TFEB: variants seen among roughly 807,000 people sequenced by gnomAD.
The protein encoded by TFEB is T-cell transcription factor EB.
A neutral mutation model predicts 48.0 loss-of-function variants in TFEB; 12 were observed. The ratio of observed to expected loss-of-function variants is 0.25; its 90% CI spans 0.16 to 0.40. The LOEUF is 0.40. Among genes scored for constraint, TFEB ranks in the 10% least tolerant of loss-of-function variants. TFEB has a pLI of 1.00. For missense variants in TFEB, 509 were observed against 640.3 expected, an observed-to-expected ratio of 0.79 and a Z score of 2.21; for synonymous variants, 244 against 261.4, an observed-to-expected ratio of 0.93 and a Z score of 0.64.
chr6:41,686,983 AG>A (rs1387984451), intron 7 of TFEB, 110 bp downstream of exon 7: 6 of 892,110 alleles, frequency 6.7e-6, no homozygotes, highest in South Asian at 1.4e-5. Context: ...ATGAACTTCT[AG>A]AAGGAATTCT....
intron 1 of TFEB, among the ~76,000 whole-genome samples, chr6:41,700,468 A>T (rs1769855269): frequency 9.7e-6 from 1 of 103,130 alleles, no homozygotes; most frequent in Non-Finnish European, 2.0e-5. Flanking sequence ...TCCGTCTCAA[A>T]AAAAAAAAAA....
chr6:41,723,464 C>A lies in TFEB; in HGVS notation c.-23+11886G>T, dbSNP rs771520725. On this transcript the variant is annotated intron_variant, in intron 1 of 8. Coordinates refer to ENST00000373033, the MANE Select transcript of TFEB (RefSeq NM_001271944.2). The surrounding 1 kb of genome is among the most constrained non-coding windows in gnomAD (Gnocchi z 6.0). ...ATGCACGCGTGTGCTCTCATACCTTCGAGAGGGCAGCCCCCTGGAAGGAGG... is the reference window on the plus strand; with the variant it reads ...ATGCACGCGTGTGCTCTCATACCTTAGAGAGGGCAGCCCCCTGGAAGGAGG... 8 of 1,288,826 alleles carry A rather than the reference C, an allele frequency of 6.2e-6. No individual in the cohort carries two copies. In the East Asian group the frequency reaches 3.9e-4, roughly 63 times the overall value. 79.8% of individuals were successfully genotyped at this position (1,288,826 alleles called of 1,614,324 possible). A position where few individuals can be genotyped will look rare whatever the true frequency, so the allele number is the denominator to read the frequency against.
At chr6:41,686,504 C>CTTTAT in intron 7 of TFEB, 1 of 267,250 alleles carries the variant, frequency 3.7e-6, no homozygotes, top group Non-Finnish European at 6.6e-6. Context: ...CCCAGCCTAC[C>CTTTAT]TTTCTTTTTT....
intron 1 of TFEB, among the ~76,000 whole-genome samples, chr6:41,705,250 G>A (rs913697661): frequency 3.3e-5 from 5 of 152,142 alleles, no homozygotes; most frequent in Admixed American, 6.6e-5. Context: ...TCCTCCACAC[G>A]GCTCTGCCTC....
chr6:41,687,934 T>G lies in TFEB; in HGVS notation c.644A>C (p.Asp215Ala). 1 of 1,613,932 alleles carries G rather than the reference T, an allele frequency of 6.2e-7. No individual in the cohort carries two copies. Among genetic ancestry groups the G allele is most frequent in the Non-Finnish European group, 8.5e-7 (1 of 1,179,896 alleles). Residue 215 changes from aspartate to alanine, a missense_variant, in exon 5 of 9, where the codon GAC (aspartate) becomes GCC (alanine). Coordinates refer to ENST00000373033, the MANE Select transcript of TFEB (RefSeq NM_001271944.2). ...TGTGAGCTCTCGCTTCTGGGTCAGG[T>G]CCGCAGGGCAGGAGCTGCTGGTGAC... ...VGVTSSSCPA[D>A]LTQKRELTDA...
In TFEB at chr6:41,684,796, C is replaced by G. The variant is rs748034892; in HGVS notation, c.1234G>C (p.Gly412Arg). ...CCCGGCGCCAGGGGTTCGGGGTAGCCCGGGGGACCCTCGTCCTCCCTGCCC... is the reference window on the plus strand; with the variant it reads ...CCCGGCGCCAGGGGTTCGGGGTAGCGCGGGGGACCCTCGTCCTCCCTGCCC... Reference protein sequence around the residue: ...FGGREDEGPPGYPEPLAPGHG... With the variant: ...FGGREDEGPPRYPEPLAPGHG... Residue 412 changes from glycine (G) to arginine (R), a missense_variant, in exon 9 of 9, where the codon GGC becomes CGC. Coordinates refer to ENST00000373033, the MANE Select transcript of TFEB (RefSeq NM_001271944.2). 2.5e-6 allele frequency: 4 copies of G among 1,606,678 alleles called. No homozygotes were observed. The highest frequency in any genetic ancestry group is 3.4e-6 in the Non-Finnish European group (4 of 1,176,492).
At chr6:41,708,094 TGCC>T (rs1770320181) in intron 1 of TFEB, among the ~76,000 whole-genome samples, 1 of 152,232 alleles carries the variant, frequency 6.6e-6, no homozygotes, top group African/African-American at 2.4e-5. Context: ...AGCCAGTGTC[TGCC>T]ACATGGCAGG....
intron 4 of TFEB, among the ~76,000 whole-genome samples, chr6:41,688,472 G>A (rs1769130846): frequency 6.6e-6 from 1 of 152,048 alleles, no homozygotes; most frequent in Non-Finnish European, 1.5e-5. Flanking sequence ...CAGCTCAAGG[G>A]CAGAAGTGGT....
chr6:41,687,597 C>A, intron 6 of TFEB, 156 bp downstream of exon 6: 1 of 895,378 alleles, frequency 1.1e-6, no homozygotes. Context: ...CCAGGCACCA[C>A]TGAGCGACAG....
chr6:41,735,791 C>T (rs1312197542), upstream of TFEB, among the ~76,000 whole-genome samples: 1 of 152,344 alleles, frequency 6.6e-6, no homozygotes, highest in East Asian at 1.9e-4. Context: ...ACCTCTGATC[C>T]ACTTCTACCT....
chr6:41,700,422 C>A (rs1280810865), intron 1 of TFEB, among the ~76,000 whole-genome samples: 2 of 149,580 alleles, frequency 1.3e-5, no homozygotes, highest in East Asian at 2.0e-4. Flanking sequence ...GCCGAGATCT[C>A]GCCACTGCAC....
chr6:41,721,898 T>C (rs1236762619), intron 1 of TFEB, among the ~76,000 whole-genome samples: 7 of 152,026 alleles, frequency 4.6e-5, no homozygotes, highest in Non-Finnish European at 7.4e-5. Context: ...TCAACTGCTC[T>C]CTCAAGACTA....
chr6:41,701,525 C>T (rs181110564), intron 1 of TFEB, among the ~76,000 whole-genome samples: 19 of 152,362 alleles, frequency 1.2e-4, no homozygotes, highest in Non-Finnish European at 2.2e-4. Context: ...TTATCACCCA[C>T]TTGGCAAACG....
intron 1 of TFEB, among the ~76,000 whole-genome samples, chr6:41,727,898 C>T (rs1040108265): frequency 6.6e-6 from 1 of 152,164 alleles, no homozygotes; most frequent in African/African-American, 2.4e-5. Flanking sequence ...GCTCCAGCAG[C>T]CTCTAGTCCT....
At chr6:41,733,080 A>G in intron 1 of TFEB, 2 of 983,946 alleles carry the variant, frequency 2.0e-6, no homozygotes, top group South Asian at 4.7e-5. Flanking sequence ...ATGCAATTAC[A>G]GTCATAAACA....
Position 41,721,368 on chromosome 6 carries a change from C to T in TFEB, c.-23+13982G>A, listed in dbSNP as rs202200357. Among the ~76,000 whole-genome samples the T allele has an allele frequency of 1.6e-3, 201 of 128,486 alleles. 1 individual carries two copies. The highest frequency in any genetic ancestry group is 7.2e-3 in the Middle Eastern group (2 of 276). The allele number at this position is 128,486 out of a possible 152,430, so 84.3% of individuals were successfully genotyped here. A position where few individuals can be genotyped will look rare whatever the true frequency, so the allele number is the denominator to read the frequency against. ...AATATACTTTATTTGACACTAGGCA[C>T]ACATACACACACACACACACACACA... On this transcript the variant is annotated intron_variant, in intron 1 of 8. Coordinates refer to ENST00000373033, the MANE Select transcript of TFEB (RefSeq NM_001271944.2).
intron 1 of TFEB, among the ~76,000 whole-genome samples, chr6:41,694,021 A>G (rs1470166155): frequency 6.6e-6 from 1 of 150,408 alleles, no homozygotes; most frequent in Non-Finnish European, 1.5e-5. Context: ...CTTGGGGACA[A>G]TCTGACTTCA....
At chr6:41,687,071 C>G in intron 7 of TFEB, 23 bp downstream of exon 7, 1 of 1,612,246 alleles carries the variant, frequency 6.2e-7, no homozygotes, top group Non-Finnish European at 8.5e-7. Flanking sequence ...ACCCATCACC[C>G]TCCCCCTCAG....
chr6:41,684,585 AG>A lies in TFEB; in HGVS notation c.*13del. The A allele has an allele frequency of 6.5e-7, 1 of 1,535,032 alleles. No homozygotes were observed. Among genetic ancestry groups the A allele is most frequent in the Non-Finnish European group, 8.8e-7 (1 of 1,142,212 alleles). ...CAGGCCGGCCCCTGTTCCCTGGCAC[AG>A]GGGCAGCCAGGGTCACAGCACATCG... On this transcript the variant is annotated 3_prime_UTR_variant, in exon 9 of 9. Transcript: ENST00000373033.
Sources: allele counts gnomAD v4.1 joint callset (sites outside exome capture counted in the v4.1 genomes callset), GRCh38; gene constraint gnomAD v4.1.1; non-coding constraint Gnocchi (gnomAD v3.1); transcripts MANE v1.5; gene names NCBI Gene and HGNC (gene_info 2026-07-23, HGNC 2026-07-21).